ST6GALNAC1: variants seen among roughly 807,000 people sequenced by gnomAD.
The protein encoded by ST6GALNAC1 is ST6 N-acetylgalactosaminide alpha-2,6-sialyltransferase 1, also known as alpha-N-acetylgalactosaminide alpha-2,6-sialyltransferase 1.
Under a neutral mutation model 56.8 loss-of-function variants are expected in ST6GALNAC1, and 45 were observed. That is an observed-to-expected ratio of 0.79 (90% CI 0.62 to 1.02). ST6GALNAC1 has a LOEUF of 1.02. Among genes scored for constraint, ST6GALNAC1 ranks in the 50% least tolerant of loss-of-function variants. The pLI is 0.00. For synonymous variants in ST6GALNAC1, 295 were observed against 297.8 expected (o/e 0.99, Z 0.10); for missense variants, 743 against 754.8 (o/e 0.98, Z 0.18).
chr17:76,639,638 AACACACACACAC>A (rs55706272), intron 1 of ST6GALNAC1, among the ~76,000 whole-genome samples: 21,487 of 125,016 alleles, frequency 0.17, 2,117 homozygotes, highest in East Asian at 0.39. Context: ...TTACATGATA[AACACACACACAC>A]ACACACACAC....
At position 76,625,230 on chromosome 17, in the gene ST6GALNAC1, G is replaced by C; in HGVS notation, c.*100C>G. 3.1e-6 allele frequency: 4 copies of C among 1,293,400 alleles called. No homozygotes were observed. Among genetic ancestry groups the C allele is most frequent in the Non-Finnish European group, 4.3e-6 (4 of 931,728 alleles). 80.1% of individuals were successfully genotyped at this position (1,293,400 alleles called of 1,614,324 possible). On this transcript the variant is annotated 3_prime_UTR_variant, in exon 9 of 9. Transcript: ENST00000156626. Reference sequence around the variant, plus strand: ...CCTTGGAACTCCTGAAGGGCTTGGAGCTTAGTCTGAGCCATGGGAAATGGC... The same window carrying C: ...CCTTGGAACTCCTGAAGGGCTTGGACCTTAGTCTGAGCCATGGGAAATGGC...
intron 5 of ST6GALNAC1, 62 bp from the exon 6 acceptor site, chr17:76,626,454 G>A (rs1199250476): frequency 5.1e-6 from 8 of 1,562,802 alleles, no homozygotes; most frequent in Non-Finnish European, 7.0e-6. Flanking sequence ...ACCGAGGGTG[G>A]CCCAGCTCTG....
Position 76,627,122 on chromosome 17 carries a change from T to C in ST6GALNAC1, c.1117A>G (p.Ile373Val). ...TGGCCCATGTGGGAGTTGTTCAGGA[T>C]GCCCCCGTTGCCCACCACGGCACAG... ...ITCAVVGNGG[I>V]LNNSHMGQEI... Residue 373 changes from isoleucine (I) to valine (V), a missense_variant, in exon 4 of 9, where the codon ATC becomes GTC. Transcript: ENST00000156626. This position sits in a 1 kb window ranked among gnomAD's most constrained non-coding sequence, Gnocchi z 4.4. 6.3e-7 allele frequency: 1 copy of C among 1,593,512 alleles called. No homozygotes were observed. The highest frequency in any genetic ancestry group is 8.5e-7 in the Non-Finnish European group (1 of 1,169,640).
chr17:76,629,336 GCCC>G lies in ST6GALNAC1; in HGVS notation c.504_506del (p.Gly169del), dbSNP rs1199934463. Reference sequence around the variant, plus strand: ...TGGAGGCCGTCAGCTTCCTGGTCTGGCCCCCATTTCCTTGGGTCGTCTTTGTGT... The same window carrying G: ...TGGAGGCCGTCAGCTTCCTGGTCTGGCCATTTCCTTGGGTCGTCTTTGTGT... On this transcript the variant is annotated inframe_deletion, in exon 2 of 9. Coordinates refer to ENST00000156626, the MANE Select transcript of ST6GALNAC1 (RefSeq NM_018414.5). The G allele has an allele frequency of 1.9e-6, 3 of 1,614,154 alleles. No homozygotes were observed. The African/African-American group carries it at 4.0e-5, about 22-fold the overall frequency.
chr17:76,630,182 A>C (rs955719586), intron 1 of ST6GALNAC1, among the ~76,000 whole-genome samples: 2 of 152,226 alleles, frequency 1.3e-5, no homozygotes, highest in African/African-American at 4.8e-5. Flanking sequence ...CTAAATGTCT[A>C]TTCTGTGCAG....
chr17:76,628,268 C>CTCCTTCCTTCCT (rs1192343192), intron 2 of ST6GALNAC1, among the ~76,000 whole-genome samples: 11 of 37,528 alleles, frequency 2.9e-4, no homozygotes, highest in African/African-American at 1.0e-3. Flanking sequence ...CCCTCCCTCC[C>CTCCTTCCTTCCT]TCCTTCCTTC....
At chr17:76,640,315 T>A (rs115144119) in intron 1 of ST6GALNAC1, among the ~76,000 whole-genome samples, 4,135 of 152,232 alleles carry the variant, frequency 0.027, 188 homozygotes, top group African/African-American at 0.095. Context: ...GTACATTACA[T>A]CGTGGACAGT....
intron 1 of ST6GALNAC1, 106 bp downstream of exon 1, chr17:76,643,402 T>A: frequency 8.0e-7 from 1 of 1,244,938 alleles, no homozygotes; most frequent in Non-Finnish European, 1.1e-6. Context: ...GACACTCCCA[T>A]GTGGACACAC....
intron 1 of ST6GALNAC1, among the ~76,000 whole-genome samples, chr17:76,631,019 C>T (rs1002643743): frequency 5.9e-5 from 9 of 151,786 alleles, no homozygotes; most frequent in African/African-American, 1.5e-4. Context: ...CTCAGCCTCT[C>T]GAGTAGCTGG....
At chr17:76,630,394 A>T (rs2075874768) in intron 1 of ST6GALNAC1, among the ~76,000 whole-genome samples, 1 of 152,142 alleles carries the variant, frequency 6.6e-6, no homozygotes, top group South Asian at 2.1e-4. Context: ...CCTGAGCTGC[A>T]GCTGACCCTG....
chr17:76,627,553 A>G lies in ST6GALNAC1; in HGVS notation c.862T>C (p.Ser288Pro). Reference sequence around the variant, plus strand: ...AGTTTCTGGAGCCACAGCGACTTGGAGGCTTTGATCTTCACAGAGTCAGGG... The same window carrying G: ...AGTTTCTGGAGCCACAGCGACTTGGGGGCTTTGATCTTCACAGAGTCAGGG... Reference protein sequence around the residue: ...TCPDSVKIKASKSLWLQKLFL... With the variant: ...TCPDSVKIKAPKSLWLQKLFL... The change falls in exon 3 of 9, where the codon TCC (serine) becomes CCC (proline). Residue 288 changes from serine (S) to proline (P), a missense_variant. Ser to Pro is a moderately conservative substitution (Grantham distance 74). Transcript: ENST00000156626. The surrounding 1 kb of genome is among the most constrained non-coding windows in gnomAD (Gnocchi z 4.4). 1 of 1,614,118 alleles carries G rather than the reference A, an allele frequency of 6.2e-7. No individual in the cohort carries two copies. Among genetic ancestry groups the G allele is most frequent in the Non-Finnish European group, 8.5e-7 (1 of 1,180,014 alleles).
chr17:76,618,391 C>A, the ST6GALNAC1 span, among the ~76,000 whole-genome samples: 1 of 152,092 alleles, frequency 6.6e-6, no homozygotes, highest in African/African-American at 2.4e-5. Context: ...TACAAACCAT[C>A]TGGAGGACAG....
rs764048536 is a variant in ST6GALNAC1 at position 76,629,299 on chromosome 17, C to T, written c.544G>A (p.Glu182Lys). 12 of 1,614,196 alleles carry T rather than the reference C, an allele frequency of 7.4e-6. No individual in the cohort carries two copies. The highest frequency in any genetic ancestry group is 9.3e-6 in the Non-Finnish European group (11 of 1,180,048). Residue 182 changes from glutamate (E) to lysine (K), a missense_variant, in exon 2 of 9, where the codon GAG becomes AAG. Glu to Lys is a moderately conservative substitution (Grantham distance 56). Transcript: ENST00000156626. Reference protein sequence around the residue: ...RKLTASRTVSEKHQGKAATTA... With the variant: ...RKLTASRTVSKKHQGKAATTA... ...GTTGCCGCTTTGCCCTGGTGCTTCT[C>T]TGACACCGTCCTGGAGGCCGTCAGC...
Position 76,625,314 on chromosome 17 carries a change from G to A in ST6GALNAC1, c.*16C>T, listed in dbSNP as rs2075779302. ...CCTTGGAGCAGGCAAGGAGACCATG[G>A]CAGCCCTGGCCCCGGTCAGTTCTTG... On this transcript the variant is annotated 3_prime_UTR_variant, in exon 9 of 9. Transcript: ENST00000156626. 1 of 1,610,344 alleles carries A rather than the reference G, an allele frequency of 6.2e-7. No individual in the cohort carries two copies. The highest frequency in any genetic ancestry group is 1.3e-5 in the African/African-American group (1 of 74,802).
chr17:76,632,692 T>G (rs2075920577), intron 1 of ST6GALNAC1, among the ~76,000 whole-genome samples: 1 of 152,182 alleles, frequency 6.6e-6, no homozygotes, highest in Non-Finnish European at 1.5e-5. Flanking sequence ...ATGCTCAAAT[T>G]GTATCCATAT....
intron 1 of ST6GALNAC1, among the ~76,000 whole-genome samples, chr17:76,642,154 A>G (rs2076056656): frequency 6.6e-6 from 1 of 151,714 alleles, no homozygotes; most frequent in Admixed American, 6.6e-5. Flanking sequence ...CTATATCTCC[A>G]TCTATCTATC....
rs755994256 is a variant in ST6GALNAC1, at chr17:76,629,281, C to T, written c.562G>A (p.Ala188Thr). 2.5e-6 allele frequency: 4 copies of T among 1,614,038 alleles called. No homozygotes were observed. Among genetic ancestry groups the T allele is most frequent in the African/African-American group, 2.7e-5 (2 of 74,922 alleles). ...RTVSEKHQGK[A>T]ATTAKTLIPK... ...ATGAGCGTCTTGGCTGTGGTTGCCGCTTTGCCCTGGTGCTTCTCTGACACC... is the reference window on the plus strand; with the variant it reads ...ATGAGCGTCTTGGCTGTGGTTGCCGTTTTGCCCTGGTGCTTCTCTGACACC... The change falls in exon 2 of 9, where the codon GCG (alanine) becomes ACG (threonine). Residue 188 changes from alanine to threonine, a missense_variant. By Grantham distance (58) the Ala-to-Thr change is moderately conservative. Coordinates refer to ENST00000156626, the MANE Select transcript of ST6GALNAC1 (RefSeq NM_018414.5).
chr17:76,629,963 A>G (rs2075868560), intron 1 of ST6GALNAC1, among the ~76,000 whole-genome samples: 1 of 151,534 alleles, frequency 6.6e-6, no homozygotes, highest in Admixed American at 6.6e-5. Context: ...TTGTATTTTT[A>G]GTAGAGATGG....
the ST6GALNAC1 span, among the ~76,000 whole-genome samples, chr17:76,619,694 G>A: frequency 7.2e-6 from 1 of 138,128 alleles, no homozygotes; most frequent in South Asian, 2.4e-4. Context: ...TTGAAATATT[G>A]TTTTGCCCAT....
Sources: allele counts gnomAD v4.1 joint callset (sites outside exome capture counted in the v4.1 genomes callset), GRCh38; gene constraint gnomAD v4.1.1; non-coding constraint Gnocchi (gnomAD v3.1); transcripts MANE v1.5; gene names NCBI Gene and HGNC (gene_info 2026-07-23, HGNC 2026-07-21).